Variants in PINX1 observed in about 807,000 individuals in gnomAD.
PINX1 encodes PIN2/TERF1-interacting telomerase inhibitor 1.
PINX1 carries 34 observed loss-of-function variants against 25.4 expected under a neutral mutation model. The ratio of observed to expected loss-of-function variants is 1.34; its 90% confidence interval spans 1.02 to 1.78. The LOEUF (loss-of-function observed/expected upper bound fraction) is 1.78. PINX1 is among the 40% of genes most tolerant of loss of function. PINX1 has a pLI of 0.00. For synonymous variants in PINX1, 197 were observed against 147.7 expected, an observed-to-expected ratio of 1.33 and a Z score of -2.42; for missense variants, 592 against 404.9, an observed-to-expected ratio of 1.46 and a Z score of -3.97.
intron 5 of PINX1, among the ~76,000 whole-genome samples, chr8:10,822,986 C>G (rs1309370544): frequency 6.6e-6 from 1 of 152,192 alleles, no homozygotes; most frequent in African/African-American, 2.4e-5. Flanking sequence ...ACACACAGAA[C>G]TGGCAGTCAA....
In PINX1 at chr8:10,811,083, G is replaced by A. The variant is rs1400792215; in HGVS notation, c.471+9110C>T. On this transcript the variant is annotated intron_variant, in intron 6 of 6. Transcript: ENST00000314787. The stretch of plus-strand genomic sequence containing the variant: ...ACAGCAGCAGCAGCTAAGCTGCACT[G>A]GGCATTTACCATGTGCTGGGCACTT... Among the ~76,000 whole-genome samples, 26 of 152,234 alleles carry A rather than the reference G, an allele frequency of 1.7e-4. 1 individual carries two copies. The highest frequency in any genetic ancestry group is 1.6e-3 in the Admixed American group (24 of 15,290).
At chr8:10,814,067 C>G (rs1797618729) in intron 6 of PINX1, among the ~76,000 whole-genome samples, 1 of 152,166 alleles carries the variant, frequency 6.6e-6, no homozygotes, top group Non-Finnish European at 1.5e-5. Flanking sequence ...GTACCTGCTG[C>G]AGGTCTCAAG....
At chr8:10,796,528 G>C (rs528662440) in intron 6 of PINX1, among the ~76,000 whole-genome samples, 1 of 152,094 alleles carries the variant, frequency 6.6e-6, no homozygotes, top group African/African-American at 2.4e-5. Flanking sequence ...CATGCCTTCC[G>C]GGCTGCTGTT....
chr8:10,806,232 C>T (rs1451264388), intron 6 of PINX1, among the ~76,000 whole-genome samples: 1 of 152,166 alleles, frequency 6.6e-6, no homozygotes, highest in Non-Finnish European at 1.5e-5. Context: ...AGGCAGAGCA[C>T]CATCTCCTTC....
At chr8:10,791,552 T>G (rs543456866) in intron 6 of PINX1, among the ~76,000 whole-genome samples, 1 of 152,364 alleles carries the variant, frequency 6.6e-6, no homozygotes, top group East Asian at 1.9e-4. Flanking sequence ...TAAAGGGGAC[T>G]GTTGAAACCT....
At chr8:10,809,916 G>T (rs566212460) in intron 6 of PINX1, among the ~76,000 whole-genome samples, 1 of 152,330 alleles carries the variant, frequency 6.6e-6, no homozygotes, top group East Asian at 1.9e-4. Flanking sequence ...TTGGCTCACA[G>T]TTCTGCAGGT....
intron 6 of PINX1, among the ~76,000 whole-genome samples, chr8:10,773,693 G>A (rs563131787): frequency 2.5e-4 from 38 of 152,132 alleles, no homozygotes; most frequent in South Asian, 2.1e-3. Flanking sequence ...CAGCTATTCC[G>A]ATTGCCACTT....
chr8:10,824,265 TAAG>T (rs776009358), intron 5 of PINX1, among the ~76,000 whole-genome samples: 1 of 152,226 alleles, frequency 6.6e-6, no homozygotes, highest in African/African-American at 2.4e-5. Flanking sequence ...TTCTGTGATC[TAAG>T]ATAGTCCACC....
At chr8:10,813,502 G>A (rs997027489) in intron 6 of PINX1, among the ~76,000 whole-genome samples, 6 of 152,026 alleles carry the variant, frequency 3.9e-5, no homozygotes, top group East Asian at 1.9e-4. Flanking sequence ...GCGTCTGCTC[G>A]GAATTCATTT....
chr8:10,791,445 T>C (rs892930178), intron 6 of PINX1, among the ~76,000 whole-genome samples: 1 of 152,104 alleles, frequency 6.6e-6, no homozygotes, highest in Non-Finnish European at 1.5e-5. Flanking sequence ...TGGCAGCTGC[T>C]CCAGGCTCCT....
In PINX1 at chr8:10,820,205, C is replaced by T; in HGVS notation, c.459G>A (p.Lys153=). 1.2e-6 allele frequency: 2 copies of T among 1,609,320 alleles called. No individual in the cohort carries two copies. Among genetic ancestry groups the T allele is most frequent in the South Asian group, 1.1e-5 (1 of 90,862 alleles). ...LDCIFGKRQS[K]KTPEGDASPS... Reference sequence around the variant, plus strand: ...CGTGGCTTTATACCTCGGGAGTCTTCTTACTCTGTCTTTTCCCAAAAATGC... The same window carrying T: ...CGTGGCTTTATACCTCGGGAGTCTTTTTACTCTGTCTTTTCCCAAAAATGC... Residue 153 remains lysine (K), a synonymous_variant, in exon 6 of 7, where the codon AAG becomes AAA. Transcript: ENST00000314787.
intron 6 of PINX1, among the ~76,000 whole-genome samples, chr8:10,775,413 T>G (rs936128494): frequency 0.32 from 17,809 of 55,766 alleles, 1,642 homozygotes; most frequent in African/African-American, 0.47. Context: ...TTTTGTGGTT[T>G]TTTTTTTTTT....
chr8:10,825,013 G>C (rs749446062), intron 5 of PINX1, among the ~76,000 whole-genome samples: 1 of 152,202 alleles, frequency 6.6e-6, no homozygotes, highest in African/African-American at 2.4e-5. Flanking sequence ...TTCCATGTGA[G>C]AGAAAGAACG....
At chr8:10,777,798 C>T (rs910906647) in intron 6 of PINX1, among the ~76,000 whole-genome samples, 1 of 152,202 alleles carries the variant, frequency 6.6e-6, no homozygotes, top group Admixed American at 6.5e-5. Context: ...CTGCCCGTCA[C>T]TGCCTTGTGC....
rs756612187 is a variant in PINX1 at position 10,794,129 on chromosome 8, C to T, written c.471+26064G>A. Among the ~76,000 whole-genome samples, 85 of 152,154 alleles carry T rather than the reference C, an allele frequency of 5.6e-4. 1 individual carries two copies. Among genetic ancestry groups the T allele is most frequent in the Admixed American group, 2.6e-4 (4 of 15,268 alleles). ...AATAACTCTCTTCATTAATTTTTCT[C>T]TTCAAAAGTGAGAACGTTATGAAGT... On this transcript the variant is annotated intron_variant, in intron 6 of 6. Coordinates refer to ENST00000314787, the MANE Select transcript of PINX1 (RefSeq NM_017884.6).
chr8:10,770,620 A>T (rs1181451005), intron 6 of PINX1, among the ~76,000 whole-genome samples: 1 of 152,218 alleles, frequency 6.6e-6, no homozygotes, highest in Admixed American at 6.5e-5. Context: ...ATGTATACTG[A>T]GATGGATTAT....
chr8:10,776,442 TAAATAAACAAACAAAC>T (rs1245181301), intron 6 of PINX1, among the ~76,000 whole-genome samples: 2 of 142,176 alleles, frequency 1.4e-5, no homozygotes, highest in South Asian at 2.2e-4. Context: ...AATAAATAAA[TAAATAAACAAACAAAC>T]AAACAAACAA....
chr8:10,805,256 G>A (rs1802403481), intron 6 of PINX1, among the ~76,000 whole-genome samples: 1 of 152,206 alleles, frequency 6.6e-6, no homozygotes, highest in Non-Finnish European at 1.5e-5. Context: ...GCTGGCTACA[G>A]GAGGCACACG....
At position 10,834,788 on chromosome 8, in the gene PINX1, A is replaced by T; in HGVS notation, c.20-13T>A. On this transcript the variant is annotated splice_polypyrimidine_tract_variant and intron_variant, in intron 1 of 6. Coordinates refer to ENST00000314787, the MANE Select transcript of PINX1 (RefSeq NM_017884.6). Reference sequence around the variant, plus strand: ...TGCTTCCGCCGACCTGTAAATGAAAAAGCATTATCATCAGCAATGGAGATG... The same window carrying T: ...TGCTTCCGCCGACCTGTAAATGAAATAGCATTATCATCAGCAATGGAGATG... 6.3e-7 allele frequency: 1 copy of T among 1,589,796 alleles called. No homozygotes were observed. The highest frequency in any genetic ancestry group is 8.6e-7 in the Non-Finnish European group (1 of 1,159,966).
Sources: gnomAD v4.1 joint callset for allele counts (sites outside exome capture counted in the v4.1 genomes callset) on GRCh38, gnomAD v4.1.1 for gene constraint, MANE v1.5 for transcripts, NCBI Gene and HGNC (gene_info 2026-07-23, HGNC 2026-07-21) for gene names.